The following RAPGEF6 variants were observed in gnomAD, a reference collection of about 807,000 sequenced individuals.
The protein encoded by RAPGEF6 is PDZ domain containing guanine nucleotide exchange factor (GEF) 2.
In RAPGEF6, 56 loss-of-function variants were observed where a neutral mutation model predicts 171.4. The ratio of observed to expected loss-of-function variants is 0.33; its 90% confidence interval spans 0.26 to 0.41. The LOEUF (loss-of-function observed/expected upper bound fraction) is 0.41, where lower values mean the gene tolerates loss of function less well. RAPGEF6 is among the 10% of genes least tolerant of loss of function. The probability of loss-of-function intolerance (pLI) is 1.00; values close to 1 mark genes in which losing one functional copy is unlikely to be tolerated. For missense variants in RAPGEF6, 1,674 were observed against 1,921.4 expected (o/e 0.87, Z 2.41); for synonymous variants, 692 against 650.1 (o/e 1.06, Z -0.98).
rs189895045 is a variant in RAPGEF6 at position 131,625,553 on chromosome 5, C to T, written c.69+9409G>A. Among the ~76,000 whole-genome samples the T allele has an allele frequency of 7.9e-4, 121 of 152,234 alleles. 1 individual carries two copies. The highest frequency in any genetic ancestry group is 7.8e-3 in the Admixed American group (120 of 15,292). On this transcript the variant is annotated intron_variant, in intron 1 of 27. Coordinates refer to ENST00000509018, the MANE Select transcript of RAPGEF6 (RefSeq NM_016340.6). ...CTTGGTGGCTGGGCACGGTGGCTCACACCTGTAATCCCAGCATTTTGGGAG... is the reference window on the plus strand; with the variant it reads ...CTTGGTGGCTGGGCACGGTGGCTCATACCTGTAATCCCAGCATTTTGGGAG...
intron 4 of RAPGEF6, among the ~76,000 whole-genome samples, chr5:131,588,928 G>C (rs1191162310): frequency 6.6e-6 from 1 of 151,880 alleles, no homozygotes; most frequent in Admixed American, 6.6e-5. Context: ...AAATTAGCCG[G>C]GCATGGTGGT....
Position 131,427,229 on chromosome 5 carries a change from A to G in RAPGEF6, c.*37T>C. ...TGAGGTGGTTCTTGCCCATTCCTCC[A>G]CGACTTTCAGTGGTTTTCAAATAGG... On this transcript the variant is annotated 3_prime_UTR_variant, in exon 28 of 28. Coordinates refer to ENST00000509018, the MANE Select transcript of RAPGEF6 (RefSeq NM_016340.6). 1.3e-6 allele frequency: 2 copies of G among 1,593,628 alleles called. No homozygotes were observed. The highest frequency in any genetic ancestry group is 1.7e-5 in the Admixed American group (1 of 59,960).
At chr5:131,493,170 T>C (rs1216699201) in intron 13 of RAPGEF6, among the ~76,000 whole-genome samples, 1 of 152,148 alleles carries the variant, frequency 6.6e-6, no homozygotes, top group Non-Finnish European at 1.5e-5. Flanking sequence ...GTTCATGCCA[T>C]TCTCCTGCCT....
chr5:131,547,996 C>T (rs1404291073), intron 6 of RAPGEF6, 51 bp downstream of exon 6: 4 of 1,576,166 alleles, frequency 2.5e-6, no homozygotes, highest in African/African-American at 1.4e-5. Context: ...ATTAAAGATA[C>T]TAGATATGAA....
chr5:131,440,533 T>C (rs1361691608), intron 23 of RAPGEF6, among the ~76,000 whole-genome samples: 1 of 151,024 alleles, frequency 6.6e-6, no homozygotes, highest in Non-Finnish European at 1.5e-5. Context: ...AAGTCAGGAG[T>C]TCGAGACCAG....
At chr5:131,503,358 T>C (rs1561516861) in intron 11 of RAPGEF6, among the ~76,000 whole-genome samples, 1 of 152,188 alleles carries the variant, frequency 6.6e-6, no homozygotes, top group Non-Finnish European at 1.5e-5. Context: ...TTTGAAATTA[T>C]TTAGAAATAA....
Position 131,425,922 on chromosome 5 carries a change from T to C in RAPGEF6, c.*1344A>G, listed in dbSNP as rs1751376279. On this transcript the variant is annotated 3_prime_UTR_variant, in exon 28 of 28. Coordinates refer to ENST00000509018, the MANE Select transcript of RAPGEF6 (RefSeq NM_016340.6). ...TTTTTTTTTTTGGTAATTACAGAAG[T>C]TTATTAAAATTTCACTTGCTTTTAC... 7.6e-6 allele frequency: 1 copy of C among 130,848 alleles called. No homozygotes were observed. The highest frequency in any genetic ancestry group is 3.2e-5 in the African/African-American group (1 of 31,272). The allele number at this position is 130,848 out of a possible 1,614,324, so 8.1% of individuals were successfully genotyped here.
intron 3 of RAPGEF6, among the ~76,000 whole-genome samples, chr5:131,599,831 T>A (rs1046937426): frequency 1.3e-5 from 2 of 152,208 alleles, no homozygotes; most frequent in Non-Finnish European, 2.9e-5. Context: ...ACCATGAATA[T>A]TTTCCAAATG....
chr5:131,627,570 A>G (rs1290563804), intron 1 of RAPGEF6, among the ~76,000 whole-genome samples: 2 of 152,232 alleles, frequency 1.3e-5, no homozygotes, highest in Non-Finnish European at 2.9e-5. Context: ...GAACGTTATA[A>G]AGAATGGTAT....
intron 6 of RAPGEF6, among the ~76,000 whole-genome samples, chr5:131,540,330 G>A (rs1760050016): frequency 6.6e-6 from 1 of 152,320 alleles, no homozygotes; most frequent in East Asian, 1.9e-4. Flanking sequence ...TGTTTTGGGA[G>A]GCTGCAGTGA....
intron 6 of RAPGEF6, among the ~76,000 whole-genome samples, chr5:131,522,617 C>T (rs757781408): frequency 2.0e-5 from 3 of 152,086 alleles, no homozygotes; most frequent in Non-Finnish European, 2.9e-5. Flanking sequence ...ATAATTCAGA[C>T]GAATCCTAGT....
chr5:131,619,498 T>C (rs1158150764), intron 1 of RAPGEF6, among the ~76,000 whole-genome samples: 3 of 152,218 alleles, frequency 2.0e-5, no homozygotes, highest in Non-Finnish European at 4.4e-5. Flanking sequence ...AAATTTTAAT[T>C]TTTAAGAATG....
intron 5 of RAPGEF6, among the ~76,000 whole-genome samples, chr5:131,553,126 C>T (rs1289705755): frequency 6.6e-5 from 10 of 152,144 alleles, no homozygotes; most frequent in Non-Finnish European, 1.5e-5. Context: ...TAGCAATCTA[C>T]ATTTGGAGGA....
intron 23 of RAPGEF6, among the ~76,000 whole-genome samples, chr5:131,441,842 T>C (rs996306570): frequency 6.6e-6 from 1 of 152,100 alleles, no homozygotes; most frequent in African/African-American, 2.4e-5. Context: ...AGTGATACTG[T>C]CAAAACAACA....
At chr5:131,485,376 T>C (rs1755815978) in intron 15 of RAPGEF6, among the ~76,000 whole-genome samples, 1 of 152,300 alleles carries the variant, frequency 6.6e-6, no homozygotes, top group Middle Eastern at 3.4e-3. Context: ...GTGGGTCAGG[T>C]AGAGGGACTC....
intron 4 of RAPGEF6, among the ~76,000 whole-genome samples, chr5:131,563,220 T>C (rs929371017): frequency 3.3e-5 from 5 of 151,920 alleles, no homozygotes; most frequent in African/African-American, 9.7e-5. Context: ...ATATAAATAT[T>C]ACTCCAAAAT....
rs1012460657 is a variant in RAPGEF6 at position 131,472,872 on chromosome 5, A to G, written c.2082-128T>C. ...AGGTGATTTAAACAACTGAAATACT[A>G]CAGCAATTTTTAAAAGACAATTGTA... is the stretch of plus-strand genomic sequence containing the variant. On this transcript the variant is annotated intron_variant, in intron 16 of 27. Coordinates refer to ENST00000509018, the MANE Select transcript of RAPGEF6 (RefSeq NM_016340.6). 1.2e-5 allele frequency: 9 copies of G among 760,130 alleles called. No homozygotes were observed. The African/African-American group carries it at 1.4e-4, about 12-fold the overall frequency. 47.1% of individuals were successfully genotyped at this position (760,130 alleles called of 1,614,324 possible). A position where few individuals can be genotyped will look rare whatever the true frequency, so the allele number is the denominator to read the frequency against.
chr5:131,546,750 G>C (rs1249457822), intron 6 of RAPGEF6, among the ~76,000 whole-genome samples: 1 of 152,130 alleles, frequency 6.6e-6, no homozygotes, highest in Non-Finnish European at 1.5e-5. Context: ...AACATTCAAA[G>C]ATGTTTAGTT....
intron 18 of RAPGEF6, among the ~76,000 whole-genome samples, chr5:131,462,722 A>G (rs1188005415): frequency 6.6e-6 from 1 of 152,200 alleles, no homozygotes; most frequent in Non-Finnish European, 1.5e-5. Context: ...CAGCACTTAA[A>G]AGTAAGAGAC....
Sources: gnomAD v4.1 joint callset for allele counts (sites outside exome capture counted in the v4.1 genomes callset) on GRCh38, gnomAD v4.1.1 for gene constraint, MANE v1.5 for transcripts, NCBI Gene and HGNC (gene_info 2026-07-23, HGNC 2026-07-21) for gene names.